CLINT1: variants seen among roughly 807,000 people sequenced by gnomAD.
CLINT1 encodes clathrin interactor 1.
Under a neutral mutation model 70.4 loss-of-function variants are expected in CLINT1, and 15 were observed. That is an observed-to-expected ratio of 0.21 (90% CI 0.14 to 0.33). CLINT1 has a LOEUF of 0.33. CLINT1 is among the 10% of genes least tolerant of loss of function. The pLI is 1.00. For synonymous variants in CLINT1, 227 were observed against 254.7 expected, an observed-to-expected ratio of 0.89 and a Z score of 1.04; for missense variants, 615 against 778.1, an observed-to-expected ratio of 0.79 and a Z score of 2.49.
rs1279665587 is a variant in CLINT1, at chr5:157,786,303, T to C, written c.*1343A>G. ...AGTTCAACATTGATTTTAATGAACA[T>C]TTTAATGTTATGTATAACAGAACAT... On this transcript the variant is annotated 3_prime_UTR_variant, in exon 12 of 12. Coordinates refer to ENST00000411809, the MANE Select transcript of CLINT1 (RefSeq NM_014666.4). 6.6e-6 allele frequency: 1 copy of C among 152,480 alleles called. No homozygotes were observed. The highest frequency in any genetic ancestry group is 2.4e-5 in the African/African-American group (1 of 41,444). 9.4% of individuals were successfully genotyped at this position (152,480 alleles called of 1,614,324 possible).
At chr5:157,858,298 G>A (rs935603862) in intron 1 of CLINT1, among the ~76,000 whole-genome samples, 2 of 152,198 alleles carry the variant, frequency 1.3e-5, no homozygotes, top group Non-Finnish European at 2.9e-5. Flanking sequence ...AAAATCGCAA[G>A]AAGTCATATA....
chr5:157,826,748 A>C (rs1264987310), intron 1 of CLINT1, among the ~76,000 whole-genome samples: 1 of 152,206 alleles, frequency 6.6e-6, no homozygotes, highest in African/African-American at 2.4e-5. Flanking sequence ...TTTCACAAAG[A>C]ATGGTTTCAT....
chr5:157,833,264 T>C (rs962370863), intron 1 of CLINT1, among the ~76,000 whole-genome samples: 4 of 151,506 alleles, frequency 2.6e-5, no homozygotes, highest in African/African-American at 9.7e-5. Context: ...GGCAGGAGAA[T>C]AGCTTGAACC....
Position 157,816,848 on chromosome 5 carries a change from C to CTGCAATATA in CLINT1, c.147-19_147-18insTATATTGCA. 1 of 1,547,494 alleles carries CTGCAATATA rather than the reference C, an allele frequency of 6.5e-7. No individual in the cohort carries two copies. Among genetic ancestry groups the CTGCAATATA allele is most frequent in the Non-Finnish European group, 8.8e-7 (1 of 1,130,818 alleles). On this transcript the variant is annotated intron_variant, in intron 2 of 11. Coordinates refer to ENST00000411809, the MANE Select transcript of CLINT1 (RefSeq NM_014666.4). ...ATGTAGCCCTGAAAAAAGAATCATT[C>CTGCAATATA]TTTAAGAGTCTGCAATATATTAATT...
chr5:157,810,421 T>C (rs1762519417), intron 5 of CLINT1, among the ~76,000 whole-genome samples: 1 of 152,182 alleles, frequency 6.6e-6, no homozygotes, highest in Non-Finnish European at 1.5e-5. Flanking sequence ...TACCAAAAAC[T>C]ACACATACTA....
At chr5:157,809,941 A>ATTGTGTTGAT in intron 5 of CLINT1, 136 bp from the exon 6 acceptor site, 2 of 772,422 alleles carry the variant, frequency 2.6e-6, no homozygotes, top group Non-Finnish European at 4.1e-6. Flanking sequence ...ACAGTGCTGA[A>ATTGTGTTGAT]TCAACACAAT....
chr5:157,818,467 T>A (rs189079829), intron 1 of CLINT1, among the ~76,000 whole-genome samples: 2,655 of 88,280 alleles, frequency 0.03, 99 homozygotes, highest in African/African-American at 0.099. Context: ...ACCTGGTCTC[T>A]AAAAAAAAAA....
intron 3 of CLINT1, among the ~76,000 whole-genome samples, 157 bp from the exon 4 acceptor site, chr5:157,814,450 C>T (rs1317930626): frequency 6.6e-6 from 1 of 152,108 alleles, no homozygotes; most frequent in African/African-American, 2.4e-5. Context: ...TAATCTAGAA[C>T]TTACATAATC....
intron 10 of CLINT1, 126 bp from the exon 11 acceptor site, chr5:157,789,639 C>T (rs1761841870): frequency 4.9e-6 from 6 of 1,216,674 alleles, no homozygotes; most frequent in Non-Finnish European, 5.9e-6. Context: ...AATTTAATCA[C>T]AACAATGAAC....
intron 1 of CLINT1, among the ~76,000 whole-genome samples, chr5:157,828,996 G>A (rs1467853694): frequency 6.6e-6 from 1 of 151,524 alleles, no homozygotes; most frequent in African/African-American, 2.4e-5. Context: ...CAGCTACTCA[G>A]GAGGCTGAGG....
chr5:157,830,426 C>T (rs1007038234), intron 1 of CLINT1, among the ~76,000 whole-genome samples: 12 of 152,106 alleles, frequency 7.9e-5, no homozygotes, highest in Admixed American at 7.9e-4. Flanking sequence ...TGCCTTAAAT[C>T]TCATTTTTTA....
At chr5:157,827,276 T>C (rs961392777) in intron 1 of CLINT1, among the ~76,000 whole-genome samples, 1 of 152,132 alleles carries the variant, frequency 6.6e-6, no homozygotes, top group African/African-American at 2.4e-5. Context: ...CGGACTAAAA[T>C]GTCTATATAA....
chr5:157,794,768 A>G, intron 9 of CLINT1, 130 bp downstream of exon 9: 2 of 700,054 alleles, frequency 2.9e-6, no homozygotes, highest in Non-Finnish European at 4.9e-6. Flanking sequence ...CCTTGTGAAT[A>G]AATTCTTTAG....
intron 1 of CLINT1, among the ~76,000 whole-genome samples, chr5:157,833,486 C>G (rs1264294157): frequency 1.3e-5 from 2 of 152,186 alleles, no homozygotes; most frequent in Non-Finnish European, 2.9e-5. Flanking sequence ...ACAGGCTATT[C>G]TCTCTGTCCC....
intron 1 of CLINT1, among the ~76,000 whole-genome samples, chr5:157,842,622 T>C (rs759261091): frequency 1.3e-5 from 2 of 152,236 alleles, no homozygotes; most frequent in Admixed American, 6.5e-5. Flanking sequence ...AAAATATTTA[T>C]TTGAAAGTTG....
Position 157,791,955 on chromosome 5 carries a change from A to C in CLINT1, c.1128T>G (p.Ser376Arg). The change falls in exon 10 of 12, where the codon AGT becomes AGG. Residue 376 changes from serine to arginine, a missense_variant. Transcript: ENST00000411809. Reference sequence around the variant, plus strand: ...GGCCTGATGGGGCTTGGTTGAAGGCACTCCAGTCACCAAAGTCTCCATTCC... The same window carrying C: ...GGCCTGATGGGGCTTGGTTGAAGGCCCTCCAGTCACCAAAGTCTCCATTCC... ...TSGNGDFGDW[S>R]AFNQAPSGPV... 3 of 1,613,874 alleles carry C rather than the reference A, an allele frequency of 1.9e-6. No individual in the cohort carries two copies. The highest frequency in any genetic ancestry group is 2.5e-6 in the Non-Finnish European group (3 of 1,179,844).
In CLINT1 at chr5:157,859,142, A is replaced by G. The variant is rs1384328666; in HGVS notation, c.-172T>C. On this transcript the variant is annotated 5_prime_UTR_variant, in exon 1 of 12. Coordinates refer to ENST00000411809, the MANE Select transcript of CLINT1 (RefSeq NM_014666.4). Reference sequence around the variant, plus strand: ...GCGGCGCCGCCGGTGACACGTCGAGACGCGGCAGCACAGGCGCTGCGTGGA... The same window carrying G: ...GCGGCGCCGCCGGTGACACGTCGAGGCGCGGCAGCACAGGCGCTGCGTGGA... 9 of 598,894 alleles carry G rather than the reference A, an allele frequency of 1.5e-5. No homozygotes were observed. In the East Asian group the frequency reaches 2.4e-4, roughly 16 times the overall value. 37.1% of individuals were successfully genotyped at this position (598,894 alleles called of 1,614,324 possible).
chr5:157,832,744 A>G (rs1763286324), intron 1 of CLINT1, among the ~76,000 whole-genome samples: 2 of 152,132 alleles, frequency 1.3e-5, no homozygotes, highest in Admixed American at 1.3e-4. Flanking sequence ...CTTGAGCAAC[A>G]CTTGAGAGAT....
At chr5:157,805,552 G>A (rs1243620263) in intron 7 of CLINT1, among the ~76,000 whole-genome samples, 3 of 152,038 alleles carry the variant, frequency 2.0e-5, no homozygotes, top group African/African-American at 7.3e-5. Flanking sequence ...GTTTTCTTTA[G>A]TGAATCTACT....
Sources: gnomAD v4.1 joint callset for allele counts (sites outside exome capture counted in the v4.1 genomes callset) on GRCh38, gnomAD v4.1.1 for gene constraint, MANE v1.5 for transcripts, NCBI Gene and HGNC (gene_info 2026-07-23, HGNC 2026-07-21) for gene names.